The following IWS1 variants were observed in gnomAD, a reference collection of about 807,000 sequenced individuals.
IWS1 encodes the protein interacts with SUPT6H, CTD assembly factor 1.
In IWS1, 27 loss-of-function variants were observed where a neutral mutation model predicts 86.7. The observed-to-expected ratio is 0.31, with a 90% CI of 0.23 to 0.43. The LOEUF is 0.43. Ranked by LOEUF, IWS1 falls within the 20% of genes least tolerant of loss-of-function variation. The probability of loss-of-function intolerance (pLI) is 1.00; values close to 1 mark genes in which losing one functional copy is unlikely to be tolerated. For synonymous variants in IWS1, 313 were observed against 335.1 expected (o/e 0.93, Z 0.72); for missense variants, 827 against 1,000.8 (o/e 0.83, Z 2.34).
intron 9 of IWS1, 91 bp from the exon 10 acceptor site, chr2:127,492,179 GAACA>G (rs1690262726): frequency 9.4e-6 from 7 of 745,252 alleles, no homozygotes; most frequent in Non-Finnish European, 1.4e-5. Context: ...ATTCACAACA[GAACA>G]AATAAAAAAT....
chr2:127,502,645 T>C (rs1408181477), intron 5 of IWS1, 170 bp downstream of exon 5: 1 of 416,864 alleles, frequency 2.4e-6, no homozygotes, highest in Non-Finnish European at 4.3e-6. Context: ...TTTTATGTCT[T>C]TGTATATACG....
Position 127,505,360 on chromosome 2 carries a change from T to G in IWS1, c.543A>C (p.Gln181His). The G allele has an allele frequency of 6.2e-7, 1 of 1,614,046 alleles. No individual in the cohort carries two copies. ...DSETEDALKP[Q>H]ISDSESEEPP... ...GTTCCTCACTCTCAGAGTCACTGAT[T>G]TGAGGTTTTAGAGCATCTTCTGTTT... The change falls in exon 3 of 14, where the codon CAA becomes CAC. Residue 181 changes from glutamine to histidine, a missense_variant. This residue lies in a region of IWS1 where 548 missense variants were observed against 560.2 expected (regional missense o/e 0.98). Transcript: ENST00000295321. The surrounding 1 kb of genome is among the most constrained non-coding windows in gnomAD (Gnocchi z 5.0).
rs772870917 is a variant in IWS1, at chr2:127,505,516, AGGTAATTTCCTG to A, written c.375_386del (p.Arg126_Pro129del). 8.1e-6 allele frequency: 13 copies of A among 1,614,102 alleles called. No individual in the cohort carries two copies. The highest frequency in any genetic ancestry group is 2.7e-5 in the African/African-American group (2 of 75,010). On this transcript the variant is annotated inframe_deletion, in exon 3 of 14. Transcript: ENST00000295321. This position sits in a 1 kb window ranked among gnomAD's most constrained non-coding sequence, Gnocchi z 5.0. ...GTTCCTCATTTTCAGAGTCACTACC[AGGTAATTTCCTG>A]GTCTCTTCACTCTCAGAGTCGCTCC...
intron 5 of IWS1, chr2:127,502,605 C>T (rs1370243520): frequency 2.7e-6 from 1 of 370,580 alleles, no homozygotes; most frequent in East Asian, 4.0e-5. Flanking sequence ...TGTCCCTTCC[C>T]CCTTAATTCA....
chr2:127,486,185 AG>A (rs574363538), intron 13 of IWS1, among the ~76,000 whole-genome samples: 54 of 152,336 alleles, frequency 3.5e-4, no homozygotes, highest in African/African-American at 1.3e-3. Context: ...AGGGAGAGGT[AG>A]GTCTGCTGAA....
chr2:127,494,237 T>G (rs1573517647), intron 8 of IWS1, among the ~76,000 whole-genome samples: 1 of 113,602 alleles, frequency 8.8e-6, no homozygotes, highest in East Asian at 2.5e-4. Context: ...CGAGATCCTG[T>G]CTCTAATTAA....
intron 6 of IWS1, 93 bp from the exon 7 acceptor site, chr2:127,496,241 C>T: frequency 3.8e-6 from 5 of 1,325,220 alleles, no homozygotes; most frequent in Non-Finnish European, 5.1e-6. Context: ...TTTCTTAATT[C>T]TAACTCAATG....
chr2:127,513,534 G>A (rs1331396977), intron 2 of IWS1, among the ~76,000 whole-genome samples: 1 of 151,786 alleles, frequency 6.6e-6, no homozygotes, highest in African/African-American at 2.4e-5. Context: ...TAATTTTTTA[G>A]TAAGGGAATA....
In IWS1 at chr2:127,503,402, G is replaced by A. The variant is rs1243252871; in HGVS notation, c.1394C>T (p.Ser465Leu). ...TGTCACTTACTCTTCTTCATTGCCTGACTCACTGTCACTCCCAAACAGATC... is the reference window on the plus strand; with the variant it reads ...TGTCACTTACTCTTCTTCATTGCCTAACTCACTGTCACTCCCAAACAGATC... ...EKDLFGSDSE[S>L]GNEEENLIAD... Residue 465 changes from serine to leucine, a missense_variant, in exon 4 of 14, where the codon TCA becomes TTA. Ser to Leu is a moderately radical substitution (Grantham distance 145). Around this residue, in one of 2 missense-constraint regions of IWS1, gnomAD observed 279 missense variants for 440.6 expected, o/e 0.63. Transcript: ENST00000295321. 27 of 1,611,214 alleles carry A rather than the reference G, an allele frequency of 1.7e-5. No homozygotes were observed. Among genetic ancestry groups the A allele is most frequent in the South Asian group, 2.2e-5 (2 of 90,780 alleles).
rs576431587 is a variant in IWS1 at position 127,526,466 on chromosome 2, A to C, written c.-258T>G. The stretch of plus-strand genomic sequence containing the variant: ...AGCCGGCGTTCTACTTCCTAGAAGC[A>C]CCGCTGGGGCCAAAATGGCGTCTGC... On this transcript the variant is annotated 5_prime_UTR_variant, in exon 1 of 14. Coordinates refer to ENST00000295321, the MANE Select transcript of IWS1 (RefSeq NM_017969.3). The C allele has an allele frequency of 1.8e-5, 27 of 1,529,732 alleles. No homozygotes were observed. Among genetic ancestry groups the C allele is most frequent in the Non-Finnish European group, 2.3e-5 (26 of 1,136,728 alleles). 94.8% of individuals were successfully genotyped at this position (1,529,732 alleles called of 1,614,324 possible).
chr2:127,480,849 G>T lies in IWS1; in HGVS notation c.*195C>A. 2.0e-6 allele frequency: 1 copy of T among 488,098 alleles called. No homozygotes were observed. The highest frequency in any genetic ancestry group is 3.5e-6 in the Non-Finnish European group (1 of 289,346). The allele number at this position is 488,098 out of a possible 1,614,324, so 30.2% of individuals were successfully genotyped here. On this transcript the variant is annotated 3_prime_UTR_variant, in exon 14 of 14. Coordinates refer to ENST00000295321, the MANE Select transcript of IWS1 (RefSeq NM_017969.3). ...ATTTTATTGTGTAAAGTTTATAGAAGTATGACTAGTATTCCTTTGTACAAA... is the reference window on the plus strand; with the variant it reads ...ATTTTATTGTGTAAAGTTTATAGAATTATGACTAGTATTCCTTTGTACAAA...
chr2:127,495,687 C>G (rs927551125), intron 7 of IWS1, among the ~76,000 whole-genome samples: 1 of 152,186 alleles, frequency 6.6e-6, no homozygotes, highest in South Asian at 2.1e-4. Context: ...ATTTGTAACA[C>G]CTTTTATATA....
At chr2:127,523,109 T>C in intron 2 of IWS1, among the ~76,000 whole-genome samples, 1 of 151,940 alleles carries the variant, frequency 6.6e-6, no homozygotes, top group East Asian at 1.9e-4. Flanking sequence ...CTCGGGAGGC[T>C]ATGAGGTGGG....
At position 127,505,595 on chromosome 2, in the gene IWS1, G is replaced by A; in HGVS notation, c.308C>T (p.Pro103Leu). ...CTCATTTTCAGAATCGCTTGCAGGA[G>A]GCTCTGCACGTTCCTCAGATTCAGA... The part of the protein sequence containing the change: ...SDSESEERAE[P>L]PASDSENEDV... Residue 103 changes from proline to leucine, a missense_variant, in exon 3 of 14, where the codon CCT becomes CTT. Pro to Leu is a moderately conservative substitution (Grantham distance 98). This residue lies in a region of IWS1 where 548 missense variants were observed against 560.2 expected (regional missense o/e 0.98). Coordinates refer to ENST00000295321, the MANE Select transcript of IWS1 (RefSeq NM_017969.3). This position sits in a 1 kb window ranked among gnomAD's most constrained non-coding sequence, Gnocchi z 5.0. 6.2e-7 allele frequency: 1 copy of A among 1,613,650 alleles called. No individual in the cohort carries two copies. Among genetic ancestry groups the A allele is most frequent in the Non-Finnish European group, 8.5e-7 (1 of 1,179,932 alleles).
intron 6 of IWS1, among the ~76,000 whole-genome samples, 183 bp from the exon 7 acceptor site, chr2:127,496,331 C>T (rs534055764): frequency 1.1e-3 from 169 of 152,126 alleles, no homozygotes; most frequent in African/African-American, 4.0e-3. Flanking sequence ...ACTGCAAATA[C>T]GACGGTGGCC....
chr2:127,520,006 G>T (rs1368287403), intron 2 of IWS1, among the ~76,000 whole-genome samples: 3 of 152,130 alleles, frequency 2.0e-5, no homozygotes, highest in African/African-American at 4.8e-5. Context: ...GGGACACCTT[G>T]ATTTTAGTAC....
chr2:127,490,085 A>G, intron 10 of IWS1, 142 bp from the exon 11 acceptor site: 1 of 631,748 alleles, frequency 1.6e-6, no homozygotes, highest in East Asian at 2.7e-5. Flanking sequence ...AGAGTAATTT[A>G]TAGGATAAAC....
At chr2:127,504,150 CTG>C (rs1341934514) in intron 3 of IWS1, among the ~76,000 whole-genome samples, 4 of 152,344 alleles carry the variant, frequency 2.6e-5, no homozygotes, top group Middle Eastern at 6.8e-3. Context: ...GTAATACTAT[CTG>C]TGCAAATGGA....
At chr2:127,520,314 G>A (rs1276771874) in intron 2 of IWS1, among the ~76,000 whole-genome samples, 3 of 151,984 alleles carry the variant, frequency 2.0e-5, no homozygotes, top group Middle Eastern at 3.2e-3. Context: ...GACTACAGGC[G>A]CAAACCACCA....
Sources: gnomAD v4.1 joint callset for allele counts (sites outside exome capture counted in the v4.1 genomes callset) on GRCh38, gnomAD v4.1.1 for gene constraint, gnomAD v4.1.1 regional missense constraint, Gnocchi (gnomAD v3.1) non-coding constraint, MANE v1.5 for transcripts, NCBI Gene and HGNC (gene_info 2026-07-23, HGNC 2026-07-21) for gene names.